SYT12: variants seen among roughly 807,000 people sequenced by gnomAD.
SYT12 encodes the protein synaptotagmin 12, also known as synaptotagmin-12.
Under a neutral mutation model 39.5 loss-of-function variants are expected in SYT12, and 27 were observed. The ratio of observed to expected loss-of-function variants is 0.68; its 90% CI spans 0.50 to 0.94. The LOEUF (loss-of-function observed/expected upper bound fraction) is 0.94. Among genes scored for constraint, SYT12 ranks in the 40% least tolerant of loss-of-function variants. SYT12 has a pLI of 0.00. For missense variants in SYT12, 536 were observed against 572.6 expected, an observed-to-expected ratio of 0.94 and a Z score of 0.65; for synonymous variants, 233 against 239.7, an observed-to-expected ratio of 0.97 and a Z score of 0.26.
intron 1 of SYT12, among the ~76,000 whole-genome samples, chr11:67,025,332 G>A (rs951952923): frequency 6.6e-6 from 1 of 152,210 alleles, no homozygotes; most frequent in Non-Finnish European, 1.5e-5. Context: ...TTTGAACCTA[G>A]AGCTGTTTTC....
At chr11:67,026,217 T>G (rs1565331220) in intron 1 of SYT12, among the ~76,000 whole-genome samples, 1 of 152,162 alleles carries the variant, frequency 6.6e-6, no homozygotes, top group Non-Finnish European at 1.5e-5. Context: ...CAACTCCTGT[T>G]GGAGTCGGGG....
Position 67,048,904 on chromosome 11 carries a change from C to T in SYT12, c.*147C>T. On this transcript the variant is annotated 3_prime_UTR_variant, in exon 8 of 8. Transcript: ENST00000527043. Reference sequence around the variant, plus strand: ...TCATGACCCATCCTGGTCTCTCTGTCCAGATTGCAGCAGAGGAGTGGGCGT... The same window carrying T: ...TCATGACCCATCCTGGTCTCTCTGTTCAGATTGCAGCAGAGGAGTGGGCGT... The T allele has an allele frequency of 1.1e-6, 1 of 940,524 alleles. No individual in the cohort carries two copies. Among genetic ancestry groups the T allele is most frequent in the Non-Finnish European group, 1.6e-6 (1 of 644,340 alleles). 58.3% of individuals were successfully genotyped at this position (940,524 alleles called of 1,614,324 possible).
intron 3 of SYT12, among the ~76,000 whole-genome samples, chr11:67,014,973 G>A (rs567796347): frequency 1.3e-5 from 2 of 152,178 alleles, no homozygotes; most frequent in East Asian, 1.9e-4. Flanking sequence ...CCTGCATCAC[G>A]TAGCTCCCGC....
chr11:67,040,787 G>A (rs376869494), intron 4 of SYT12, among the ~76,000 whole-genome samples: 25 of 152,044 alleles, frequency 1.6e-4, no homozygotes, highest in African/African-American at 4.8e-4. Flanking sequence ...GCAGTGAGCC[G>A]AGATCGTGCC....
chr11:67,039,556 G>C (rs1950457578), intron 3 of SYT12, among the ~76,000 whole-genome samples: 1 of 152,198 alleles, frequency 6.6e-6, no homozygotes, highest in Non-Finnish European at 1.5e-5. Flanking sequence ...AGAGGTTGCA[G>C]TGAGCCGAGA....
At chr11:67,045,615 G>A (rs1854516413) in intron 6 of SYT12, 129 bp from the exon 7 acceptor site, 2 of 1,268,984 alleles carry the variant, frequency 1.6e-6, no homozygotes, top group African/African-American at 1.5e-5. Context: ...AAGGACCAAT[G>A]GCAGGGCTGC....
intron 3 of SYT12, among the ~76,000 whole-genome samples, chr11:67,039,307 A>T (rs1014201763): frequency 6.6e-6 from 1 of 150,736 alleles, no homozygotes; most frequent in South Asian, 2.1e-4. Flanking sequence ...CTCAAAAAAA[A>T]CAAATGTTTC....
At chr11:67,035,547 T>C (rs1393785785) in intron 3 of SYT12, among the ~76,000 whole-genome samples, 2 of 143,586 alleles carry the variant, frequency 1.4e-5, no homozygotes, top group African/African-American at 5.2e-5. Flanking sequence ...AAGCTCCGCC[T>C]CCCGGGTTCA....
At chr11:67,045,916 C>G in intron 7 of SYT12, 39 bp downstream of exon 7, 1 of 1,611,480 alleles carries the variant, frequency 6.2e-7, no homozygotes, top group Non-Finnish European at 8.5e-7. Context: ...CCAGGTCACC[C>G]CAGGGCTCTG....
chr11:67,038,313 C>T (rs1312843319), intron 3 of SYT12, among the ~76,000 whole-genome samples: 2 of 151,922 alleles, frequency 1.3e-5, no homozygotes, highest in African/African-American at 2.4e-5. Flanking sequence ...ATTATAGGTG[C>T]ATGCCGCCAC....
chr11:67,012,393 TAAATA>T (rs957261767), intron 3 of SYT12, among the ~76,000 whole-genome samples: 4 of 150,210 alleles, frequency 2.7e-5, no homozygotes, highest in Non-Finnish European at 4.4e-5. Context: ...AAAATAATAA[TAAATA>T]AATAAAAGTC....
At chr11:67,025,840 T>TA (rs1379051664) in intron 1 of SYT12, among the ~76,000 whole-genome samples, 1 of 151,978 alleles carries the variant, frequency 6.6e-6, no homozygotes, top group African/African-American at 2.4e-5. Flanking sequence ...CCATGGGTCT[T>TA]ACGGGTGATG....
intron 7 of SYT12, 92 bp downstream of exon 7, chr11:67,045,969 AGG>A (rs1854536009): frequency 6.5e-7 from 1 of 1,538,934 alleles, no homozygotes; most frequent in African/African-American, 1.4e-5. Context: ...GGGCCCCTGC[AGG>A]GGTAGTGGTT....
intron 2 of SYT12, 28 bp from the exon 3 acceptor site, chr11:67,034,617 C>A: frequency 6.4e-7 from 1 of 1,567,124 alleles, no homozygotes; most frequent in Non-Finnish European, 8.6e-7. Context: ...CTAGGAAGCC[C>A]TAATGAGAGG....
At chr11:67,028,991 A>T (rs1381834415) in intron 1 of SYT12, 1 of 152,226 alleles carries the variant, frequency 6.6e-6, no homozygotes, top group African/African-American at 2.4e-5. Context: ...GAATCCAGAA[A>T]TTGGGGTGGG....
intron 4 of SYT12, among the ~76,000 whole-genome samples, chr11:67,041,912 G>T (rs933503377): frequency 1.3e-5 from 2 of 152,204 alleles, no homozygotes; most frequent in African/African-American, 4.8e-5. Context: ...CAGGGAAGGT[G>T]CCCAGTCCCT....
rs1232408673 is a variant in SYT12, at chr11:67,049,958, G to A, written c.*1201G>A. ...AGCGAAATCTGAGAGGGGGATTCTG[G>A]GGCAAGTAGTTTCTTGCGGGTGAGT... On this transcript the variant is annotated 3_prime_UTR_variant, in exon 8 of 8. Transcript: ENST00000527043. 2 of 152,190 alleles carry A rather than the reference G, an allele frequency of 1.3e-5. No homozygotes were observed. The highest frequency in any genetic ancestry group is 4.8e-5 in the African/African-American group (2 of 41,432). The allele number at this position is 152,190 out of a possible 1,614,324, so 9.4% of individuals were successfully genotyped here.
Position 67,045,866 on chromosome 11 carries a change from A to G in SYT12, c.1081A>G (p.Ile361Val). 2 of 1,612,764 alleles carry G rather than the reference A, an allele frequency of 1.2e-6. No individual in the cohort carries two copies. The highest frequency in any genetic ancestry group is 2.7e-5 in the African/African-American group (2 of 74,864). Residue 361 changes from isoleucine (I) to valine (V), a missense_variant, in exon 7 of 8, where the codon ATT becomes GTT. Transcript: ENST00000527043. Reference protein sequence around the residue: ...NEAMIFSVPAIVLQDLSLRVT... With the variant: ...NEAMIFSVPAVVLQDLSLRVT... ...AGCCATGATCTTCTCGGTGCCAGCCATTGTGCTCCAGGTGAGGGGGGCTGG... is the reference window on the plus strand; with the variant it reads ...AGCCATGATCTTCTCGGTGCCAGCCGTTGTGCTCCAGGTGAGGGGGGCTGG...
chr11:67,042,703 G>C (rs1950535356), intron 4 of SYT12, among the ~76,000 whole-genome samples: 1 of 152,224 alleles, frequency 6.6e-6, no homozygotes, highest in African/African-American at 2.4e-5. Context: ...GGCAGAGCCA[G>C]ATCATGAAGA....
Sources: gnomAD v4.1 joint callset for allele counts (sites outside exome capture counted in the v4.1 genomes callset) on GRCh38, gnomAD v4.1.1 for gene constraint, MANE v1.5 for transcripts, NCBI Gene and HGNC (gene_info 2026-07-23, HGNC 2026-07-21) for gene names.